The following ABAT variants were observed in gnomAD, a reference collection of about 807,000 sequenced individuals.
ABAT encodes the protein 4-aminobutyrate aminotransferase.
ABAT carries 45 observed loss-of-function variants against 64.6 expected under a neutral mutation model. The ratio of observed to expected loss-of-function variants is 0.70; its 90% CI spans 0.55 to 0.89. The LOEUF (loss-of-function observed/expected upper bound fraction) is 0.89, where lower values mean the gene tolerates loss of function less well. Ranked by LOEUF, ABAT falls within the 40% of genes least tolerant of loss-of-function variation. The pLI is 0.00. For missense variants in ABAT, 633 were observed against 658.4 expected (o/e 0.96, Z 0.42); for synonymous variants, 297 against 250.5 (o/e 1.19, Z -1.75).
chr16:8,767,835 C>G (rs1484972425), intron 9 of ABAT, among the ~76,000 whole-genome samples: 1 of 152,050 alleles, frequency 6.6e-6, no homozygotes, highest in Non-Finnish European at 1.5e-5. Context: ...ACCACCATGC[C>G]TGTCTAATTT....
intron 1 of ABAT, among the ~76,000 whole-genome samples, chr16:8,689,166 A>G (rs1470402943): frequency 6.6e-6 from 1 of 150,830 alleles, no homozygotes; most frequent in African/African-American, 2.4e-5. Flanking sequence ...TTTCATATTT[A>G]TCTCCAGCAT....
intron 1 of ABAT, among the ~76,000 whole-genome samples, chr16:8,724,907 A>G (rs917631358): frequency 5.4e-3 from 123 of 22,858 alleles, no homozygotes; most frequent in African/African-American, 0.016. Context: ...GCCAACTCCA[A>G]TATCTCTTTT....
intron 14 of ABAT, among the ~76,000 whole-genome samples, chr16:8,777,578 A>ATG (rs552428913): frequency 1.3e-4 from 20 of 152,006 alleles, no homozygotes; most frequent in African/African-American, 3.9e-4. Context: ...ACGTGTGGGG[A>ATG]TGTGTGTGTG....
chr16:8,693,510 C>G (rs1268940876), intron 1 of ABAT, among the ~76,000 whole-genome samples: 1 of 152,126 alleles, frequency 6.6e-6, no homozygotes, highest in African/African-American at 2.4e-5. Flanking sequence ...GCTCTGTCAC[C>G]CAGACTGGAG....
chr16:8,769,092 C>A, intron 11 of ABAT, 119 bp downstream of exon 11: 2 of 1,435,452 alleles, frequency 1.4e-6, no homozygotes, highest in East Asian at 2.3e-5. Context: ...GCAGTGCTCC[C>A]CCAGAGGGAA....
At chr16:8,681,161 T>G (rs1363527953) in intron 1 of ABAT, among the ~76,000 whole-genome samples, 1 of 152,020 alleles carries the variant, frequency 6.6e-6, no homozygotes, top group Non-Finnish European at 1.5e-5. Flanking sequence ...AAAAAGCATT[T>G]TTTTGTTGTT....
chr16:8,704,851 A>T (rs752798528), intron 1 of ABAT, among the ~76,000 whole-genome samples: 13 of 151,976 alleles, frequency 8.6e-5, no homozygotes, highest in East Asian at 3.9e-4. Flanking sequence ...TTAAAAAAAA[A>T]TTTTTAAATT....
At chr16:8,710,723 A>AGGGAGG (rs1413021626) in intron 1 of ABAT, among the ~76,000 whole-genome samples, 1 of 64,808 alleles carries the variant, frequency 1.5e-5, no homozygotes, top group African/African-American at 3.7e-5. Context: ...AGAGAGAGAG[A>AGGGAGG]GAGAGAGGAA....
At chr16:8,702,472 C>T (rs1291884194) in intron 1 of ABAT, among the ~76,000 whole-genome samples, 1 of 152,036 alleles carries the variant, frequency 6.6e-6, no homozygotes, top group Non-Finnish European at 1.5e-5. Flanking sequence ...AGGCTGGTCT[C>T]GAACTCCTGA....
intron 6 of ABAT, among the ~76,000 whole-genome samples, chr16:8,763,177 G>C (rs556214175): frequency 6.6e-6 from 1 of 151,592 alleles, no homozygotes; most frequent in Non-Finnish European, 1.5e-5. Context: ...GCATTTTCGG[G>C]CAGAGGCTAC....
At chr16:8,688,946 G>T (rs2057518807) in intron 1 of ABAT, among the ~76,000 whole-genome samples, 1 of 152,166 alleles carries the variant, frequency 6.6e-6, no homozygotes, top group Non-Finnish European at 1.5e-5. Context: ...CGGGCGTGGT[G>T]GCAGGTGCCT....
intron 1 of ABAT, among the ~76,000 whole-genome samples, chr16:8,705,953 G>C (rs2057931017): frequency 1.3e-5 from 2 of 152,150 alleles, no homozygotes; most frequent in Admixed American, 1.3e-4. Flanking sequence ...TTGTTTTATA[G>C]TTCTGTCCTT....
chr16:8,745,199 C>T (rs1341172450), intron 2 of ABAT, among the ~76,000 whole-genome samples: 5 of 152,090 alleles, frequency 3.3e-5, no homozygotes, highest in Non-Finnish European at 5.9e-5. Flanking sequence ...CCAAGCTGGT[C>T]GTGAACTTCT....
intron 1 of ABAT, among the ~76,000 whole-genome samples, chr16:8,708,287 C>T (rs1408861387): frequency 1.3e-5 from 2 of 152,150 alleles, no homozygotes; most frequent in Non-Finnish European, 2.9e-5. Flanking sequence ...TGCTGTGTTG[C>T]CCAGGCTGGA....
intron 5 of ABAT, among the ~76,000 whole-genome samples, chr16:8,756,382 TTTTTA>T (rs1169346443): frequency 6.6e-6 from 1 of 152,202 alleles, no homozygotes; most frequent in Non-Finnish European, 1.5e-5. Context: ...ACGTCAAACA[TTTTTA>T]TTTTAATTTT....
intron 13 of ABAT, 133 bp downstream of exon 13, chr16:8,775,190 C>G (rs2060230316): frequency 2.1e-5 from 24 of 1,164,648 alleles, no homozygotes; most frequent in Middle Eastern, 2.5e-4. Context: ...AGTCCCAGTT[C>G]TTATCAATGC....
chr16:8,701,971 AG>A lies in ABAT; in HGVS notation c.-42+27266del, dbSNP rs138777647. Among the ~76,000 whole-genome samples the A allele has an allele frequency of 5.1e-3, 770 of 150,664 alleles. 7 individuals carry two copies. Among genetic ancestry groups the A allele is most frequent in the Admixed American group, 0.01 (159 of 15,158 alleles). On this transcript the variant is annotated intron_variant, in intron 1 of 15. Transcript: ENST00000268251. ...GGGAGGGACATGGAGGTGTAGGTGT[AG>A]GGGGGTCCTGCAGGCCTCCTGGAGG... is the stretch of plus-strand genomic sequence containing the variant.
chr16:8,738,029 G>GA (rs1418571129), intron 2 of ABAT, among the ~76,000 whole-genome samples: 15 of 132,004 alleles, frequency 1.1e-4, no homozygotes, highest in South Asian at 5.4e-4. Context: ...AAGAAAGAAA[G>GA]AAGGACAGAC....
chr16:8,722,928 C>A, intron 1 of ABAT: 2 of 1,194,054 alleles, frequency 1.7e-6, no homozygotes, highest in Non-Finnish European at 2.2e-6. Context: ...TTCTTAGAGT[C>A]CGAACGGGCC....
Sources: gnomAD v4.1 joint callset for allele counts (sites outside exome capture counted in the v4.1 genomes callset) on GRCh38, gnomAD v4.1.1 for gene constraint, MANE v1.5 for transcripts, NCBI Gene and HGNC (gene_info 2026-07-23, HGNC 2026-07-21) for gene names.